The following THSD7A variants were observed in gnomAD, a reference collection of about 807,000 sequenced individuals.
THSD7A encodes thrombospondin type 1 domain containing 7A.
Under a neutral mutation model 231.3 loss-of-function variants are expected in THSD7A, and 96 were observed. The ratio of observed to expected loss-of-function variants is 0.41; its 90% CI spans 0.35 to 0.49. THSD7A has a LOEUF of 0.49. Ranked by LOEUF, THSD7A falls within the 20% of genes least tolerant of loss-of-function variation. The pLI, the probability that THSD7A is intolerant of heterozygous loss-of-function variation, is 0.05. For synonymous variants in THSD7A, 940 were observed against 743.3 expected (o/e 1.26, Z -4.30); for missense variants, 2,290 against 2,070.2 (o/e 1.11, Z -2.06).
At chr7:11,582,231 A>G (rs7793208) in intron 4 of THSD7A, among the ~76,000 whole-genome samples, 11 of 151,790 alleles carry the variant, frequency 7.2e-5, no homozygotes, top group African/African-American at 2.7e-4. Flanking sequence ...TTACTTAATT[A>G]TTAATACTTG....
chr7:11,545,352 TA>T (rs1789336032), intron 4 of THSD7A, among the ~76,000 whole-genome samples: 1 of 152,132 alleles, frequency 6.6e-6, no homozygotes. Flanking sequence ...TGAGGAATCT[TA>T]TTAGAGTCTG....
intron 6 of THSD7A, among the ~76,000 whole-genome samples, chr7:11,498,747 T>G (rs1650129126): frequency 6.6e-6 from 1 of 152,114 alleles, no homozygotes; most frequent in Non-Finnish European, 1.5e-5. Flanking sequence ...TGTCCCTACT[T>G]CCCTGGGACA....
intron 6 of THSD7A, among the ~76,000 whole-genome samples, chr7:11,538,257 T>TAA (rs979598543): frequency 6.6e-6 from 1 of 151,796 alleles, no homozygotes; most frequent in African/African-American, 2.4e-5. Context: ...AAAAATAACA[T>TAA]AACTGACTTT....
chr7:11,796,344 G>A (rs5018923), intron 1 of THSD7A, among the ~76,000 whole-genome samples: 88,721 of 128,282 alleles, frequency 0.69, 26,656 homozygotes, highest in Middle Eastern at 0.78. Context: ...CATCCACTTT[G>A]AAAAAAAAAG....
Position 11,533,557 on chromosome 7 carries a change from G to A in THSD7A, c.1822+7862C>T, listed in dbSNP as rs182555062. On this transcript the variant is annotated intron_variant, in intron 6 of 27. Transcript: ENST00000423059. ...GACACATACACCATGGGATACTGCA[G>A]CCATAAAAAGGAGTGAGATCATGTT... Among the ~76,000 whole-genome samples the A allele has an allele frequency of 4.6e-5, 7 of 152,310 alleles. No individual in the cohort carries two copies. In the East Asian group the frequency reaches 1.4e-3, roughly 29 times the overall value.
At chr7:11,750,753 G>A (rs183095648) in intron 1 of THSD7A, among the ~76,000 whole-genome samples, 123 of 152,106 alleles carry the variant, frequency 8.1e-4, no homozygotes, top group African/African-American at 2.8e-3. Context: ...AGTAAGACTA[G>A]TCTAACGGCA....
At chr7:11,534,288 A>C (rs1355315661) in intron 6 of THSD7A, among the ~76,000 whole-genome samples, 3 of 152,152 alleles carry the variant, frequency 2.0e-5, no homozygotes, top group Non-Finnish European at 4.4e-5. Flanking sequence ...CTACTCATTA[A>C]ATCTGGATTG....
Position 11,809,356 on chromosome 7 carries a change from G to T in THSD7A, c.190+22401C>A, listed in dbSNP as rs74975615. ...GCAAGTGGTATTTGAACTGATTCTT[G>T]ACAGGAGAGTAATTTTTGGATTCTG... On this transcript the variant is annotated intron_variant, in intron 1 of 27. Coordinates refer to ENST00000423059, the MANE Select transcript of THSD7A (RefSeq NM_015204.3). Among the ~76,000 whole-genome samples, 771 of 152,234 alleles carry T rather than the reference G, an allele frequency of 5.1e-3. 7 individuals carry two copies. The highest frequency in any genetic ancestry group is 0.018 in the African/African-American group (739 of 41,538).
intron 1 of THSD7A, among the ~76,000 whole-genome samples, chr7:11,800,781 G>A (rs1784252378): frequency 6.6e-6 from 1 of 152,128 alleles, no homozygotes; most frequent in South Asian, 2.1e-4. Flanking sequence ...TATTATGCAA[G>A]ATGAGTAAGT....
chr7:11,476,405 C>T (rs1264832804), intron 7 of THSD7A, among the ~76,000 whole-genome samples: 1 of 151,350 alleles, frequency 6.6e-6, no homozygotes, highest in Admixed American at 6.6e-5. Context: ...TTCTCCAGTA[C>T]ATTAACTATC....
chr7:11,668,640 G>A (rs1480533508), intron 1 of THSD7A, among the ~76,000 whole-genome samples: 2 of 152,118 alleles, frequency 1.3e-5, no homozygotes, highest in African/African-American at 4.8e-5. Flanking sequence ...GAGTGAACAT[G>A]TATAAGACAC....
intron 1 of THSD7A, among the ~76,000 whole-genome samples, chr7:11,754,391 T>C (rs1424670405): frequency 1.3e-5 from 2 of 151,964 alleles, no homozygotes; most frequent in Non-Finnish European, 2.9e-5. Context: ...TGTGGAGCCA[T>C]ACATGGGACT....
At chr7:11,508,109 C>A (rs1225272960) in intron 6 of THSD7A, among the ~76,000 whole-genome samples, 7 of 152,152 alleles carry the variant, frequency 4.6e-5, no homozygotes, top group African/African-American at 1.7e-4. Context: ...GTCATGAGAA[C>A]TGAATGGGGT....
chr7:11,744,452 T>G (rs957701581), intron 1 of THSD7A, among the ~76,000 whole-genome samples: 28 of 151,940 alleles, frequency 1.8e-4, no homozygotes, highest in African/African-American at 6.5e-4. Flanking sequence ...TTTTTTATTT[T>G]TTATTATACG....
intron 17 of THSD7A, among the ~76,000 whole-genome samples, chr7:11,413,550 C>T (rs377370560): frequency 3.9e-5 from 6 of 152,130 alleles, no homozygotes; most frequent in African/African-American, 1.2e-4. Context: ...ACCTTCATCT[C>T]GCTTTTCTCT....
At chr7:11,769,377 A>G (rs1465246680) in intron 1 of THSD7A, among the ~76,000 whole-genome samples, 4 of 151,616 alleles carry the variant, frequency 2.6e-5, no homozygotes, top group African/African-American at 4.8e-5. Context: ...TAACCAAAGA[A>G]TAGTTAATTA....
rs1194981060 is a variant in THSD7A at position 11,411,157 on chromosome 7, A to T, written c.3798+50T>A. The T allele has an allele frequency of 6.9e-7, 1 of 1,440,576 alleles. No homozygotes were observed. Among genetic ancestry groups the T allele is most frequent in the Admixed American group, 1.8e-5 (1 of 56,694 alleles). 89.2% of individuals were successfully genotyped at this position (1,440,576 alleles called of 1,614,324 possible). A position where few individuals can be genotyped will look rare whatever the true frequency, so the allele number is the denominator to read the frequency against. ...GTCACTTGGCTCAGCATGAATTGAA[A>T]TTATTAGGGAAGAATTTACTCGCGA... On this transcript the variant is annotated intron_variant, in intron 19 of 27. Coordinates refer to ENST00000423059, the MANE Select transcript of THSD7A (RefSeq NM_015204.3). This position sits in a 1 kb window ranked among gnomAD's most constrained non-coding sequence, Gnocchi z 4.1.
At chr7:11,533,039 T>C (rs1162508097) in intron 6 of THSD7A, among the ~76,000 whole-genome samples, 1 of 152,106 alleles carries the variant, frequency 6.6e-6, no homozygotes, top group Non-Finnish European at 1.5e-5. Context: ...CAGACTCACA[T>C]GTAGCCCAAA....
chr7:11,648,624 A>T (rs913891510), intron 1 of THSD7A, among the ~76,000 whole-genome samples: 3 of 91,636 alleles, frequency 3.3e-5, no homozygotes, highest in Admixed American at 2.3e-4. Flanking sequence ...GCTTGTCAGG[A>T]TCTATTTTGT....
Sources: allele counts gnomAD v4.1 joint callset (sites outside exome capture counted in the v4.1 genomes callset), GRCh38; gene constraint gnomAD v4.1.1; non-coding constraint Gnocchi (gnomAD v3.1); transcripts MANE v1.5; gene names NCBI Gene and HGNC (gene_info 2026-07-23, HGNC 2026-07-21).